The following PDE11A variants were observed in gnomAD, a reference collection of about 807,000 sequenced individuals.
The protein encoded by PDE11A is dual 3',5'-cyclic-AMP and -GMP phosphodiesterase 11A.
PDE11A carries 100 observed loss-of-function variants against 100.5 expected under a neutral mutation model. That is an observed-to-expected ratio of 1.00 (90% CI 0.85 to 1.18). PDE11A has a LOEUF of 1.18. PDE11A is among the 50% of genes most tolerant of loss of function. The pLI is 0.00. For synonymous variants in PDE11A, 381 were observed against 420.8 expected, an observed-to-expected ratio of 0.91 and a Z score of 1.16; for missense variants, 1,141 against 1,152.6, an observed-to-expected ratio of 0.99 and a Z score of 0.15.
At chr2:177,980,891 T>C (rs2085872217) in intron 2 of PDE11A, among the ~76,000 whole-genome samples, 2 of 95,750 alleles carry the variant, frequency 2.1e-5, no homozygotes, top group Admixed American at 1.7e-4. Flanking sequence ...TCAAGAGCAA[T>C]TCTTTAAATA....
intron 5 of PDE11A, among the ~76,000 whole-genome samples, chr2:177,845,974 A>C (rs952910112): frequency 1.3e-5 from 2 of 150,728 alleles, no homozygotes; most frequent in African/African-American, 4.9e-5. Context: ...GCAGCAGTAC[A>C]GTCCAGCTTC....
chr2:177,675,412 C>T lies in PDE11A; in HGVS notation c.2487+43G>A, dbSNP rs189004738. 4 of 1,434,386 alleles carry T rather than the reference C, an allele frequency of 2.8e-6. No homozygotes were observed. The East Asian group carries it at 9.1e-5, about 33-fold the overall frequency. The allele number at this position is 1,434,386 out of a possible 1,614,324, so 88.9% of individuals were successfully genotyped here. A position where few individuals can be genotyped will look rare whatever the true frequency, so the allele number is the denominator to read the frequency against. On this transcript the variant is annotated intron_variant, in intron 17 of 19. Coordinates refer to ENST00000286063, the MANE Select transcript of PDE11A (RefSeq NM_016953.4). ...GAATATTGTGTCCCCCTTACGCCCCCCAGTCCCTCCTCTGCTGAGCCCTGC... is the reference window on the plus strand; with the variant it reads ...GAATATTGTGTCCCCCTTACGCCCCTCAGTCCCTCCTCTGCTGAGCCCTGC...
At chr2:177,648,287 T>A (rs1295800356) in intron 19 of PDE11A, among the ~76,000 whole-genome samples, 3 of 152,198 alleles carry the variant, frequency 2.0e-5, no homozygotes, top group African/African-American at 7.2e-5. Flanking sequence ...TTGTGGCTCT[T>A]CTTTAACTAC....
chr2:177,637,820 T>C (rs564737694), intron 19 of PDE11A, among the ~76,000 whole-genome samples: 2 of 151,136 alleles, frequency 1.3e-5, no homozygotes, highest in Non-Finnish European at 2.9e-5. Context: ...TCATTTTGGA[T>C]AGTTTCTGTT....
At chr2:178,028,733 C>T (rs1394640312) in intron 1 of PDE11A, among the ~76,000 whole-genome samples, 3 of 152,166 alleles carry the variant, frequency 2.0e-5, no homozygotes, top group Non-Finnish European at 4.4e-5. Context: ...GCTAATTAGA[C>T]CATTCATATT....
intron 1 of PDE11A, among the ~76,000 whole-genome samples, chr2:178,034,444 C>T (rs1400864621): frequency 6.6e-6 from 1 of 152,204 alleles, no homozygotes; most frequent in African/African-American, 2.4e-5. Flanking sequence ...TAACACCCCA[C>T]TGTCAATATT....
chr2:177,998,561 G>C (rs1192202353), intron 2 of PDE11A: 1 of 1,311,018 alleles, frequency 7.6e-7, no homozygotes, highest in East Asian at 2.3e-5. Flanking sequence ...CATCTTCACA[G>C]AGGTCTAACT....
At position 178,102,230 on chromosome 2, in the gene PDE11A, G is replaced by A. The variant is rs180990328; in HGVS notation, c.162+2072C>T. On this transcript the variant is annotated intron_variant, in intron 2 of 20. Transcript: ENST00000358450. The stretch of plus-strand genomic sequence containing the variant: ...CAACCTCTGCCTCCTGGGTTCAAGC[G>A]ATTCTCCTGCCTCAGCCTCCCAAGT... Among the ~76,000 whole-genome samples the A allele has an allele frequency of 5.5e-4, 83 of 151,852 alleles. 1 individual carries two copies. The East Asian group carries it at 0.014, about 25-fold the overall frequency.
intron 15 of PDE11A, among the ~76,000 whole-genome samples, chr2:177,696,225 G>A (rs951365948): frequency 6.6e-6 from 1 of 152,176 alleles, no homozygotes; most frequent in Non-Finnish European, 1.5e-5. Flanking sequence ...GTGTGAGGAA[G>A]TTTGGAGTGA....
intron 16 of PDE11A, among the ~76,000 whole-genome samples, chr2:177,678,512 T>G (rs910854498): frequency 3.3e-5 from 5 of 152,246 alleles, no homozygotes; most frequent in African/African-American, 9.6e-5. Context: ...AGGAGGTATA[T>G]CTCACCATTG....
At chr2:177,972,923 A>G (rs1048565317) in intron 2 of PDE11A, among the ~76,000 whole-genome samples, 3 of 152,328 alleles carry the variant, frequency 2.0e-5, no homozygotes, top group Non-Finnish European at 2.9e-5. Flanking sequence ...TGTGCCTATG[A>G]TAACAGCTCT....
intron 2 of PDE11A, among the ~76,000 whole-genome samples, chr2:177,969,568 G>A (rs2105795881): frequency 6.6e-6 from 1 of 152,204 alleles, no homozygotes; most frequent in South Asian, 2.1e-4. Flanking sequence ...GATGTGCCCT[G>A]TAATATATGA....
At chr2:177,897,776 C>A (rs1406873851) in intron 4 of PDE11A, among the ~76,000 whole-genome samples, 5 of 152,158 alleles carry the variant, frequency 3.3e-5, no homozygotes, top group Non-Finnish European at 1.5e-5. Flanking sequence ...TGAGGTTGGG[C>A]AAATCACTGA....
chr2:178,006,825 G>GC (rs955912304), intron 2 of PDE11A, among the ~76,000 whole-genome samples: 481 of 2,364 alleles, frequency 0.2, 8 homozygotes, highest in African/African-American at 0.22. Context: ...TCAAAACAAG[G>GC]GGGGGGGGGG....
intron 15 of PDE11A, among the ~76,000 whole-genome samples, chr2:177,693,885 T>C (rs966666948): frequency 2.6e-5 from 4 of 152,214 alleles, no homozygotes; most frequent in South Asian, 2.1e-4. Context: ...GATTCCACAA[T>C]TGCACATTTA....
chr2:177,649,141 G>A (rs927413772), intron 19 of PDE11A, among the ~76,000 whole-genome samples: 1 of 152,092 alleles, frequency 6.6e-6, no homozygotes, highest in African/African-American at 2.4e-5. Context: ...AGGGCATAGA[G>A]AAATAGGCAT....
chr2:177,745,868 GC>G (rs2081940597), intron 10 of PDE11A, among the ~76,000 whole-genome samples: 1 of 152,200 alleles, frequency 6.6e-6, no homozygotes, highest in Non-Finnish European at 1.5e-5. Context: ...AGCCATGGCT[GC>G]CAGCTGAGGA....
intron 5 of PDE11A, among the ~76,000 whole-genome samples, chr2:177,873,017 A>G (rs563358827): frequency 3.3e-5 from 5 of 152,354 alleles, no homozygotes; most frequent in African/African-American, 1.2e-4. Flanking sequence ...CACTTTTCAA[A>G]TGTCTCTTTA....
intron 1 of PDE11A, among the ~76,000 whole-genome samples, chr2:178,046,335 T>C (rs1399408463): frequency 6.6e-6 from 1 of 152,190 alleles, no homozygotes; most frequent in African/African-American, 2.4e-5. Flanking sequence ...GCAGAAGTCT[T>C]ATGTTATTAT....
Sources: gnomAD v4.1 joint callset for allele counts (sites outside exome capture counted in the v4.1 genomes callset) on GRCh38, gnomAD v4.1.1 for gene constraint, MANE v1.5 for transcripts, NCBI Gene and HGNC (gene_info 2026-07-23, HGNC 2026-07-21) for gene names.